The following CSMD3 variants were observed in gnomAD, a reference collection of about 807,000 sequenced individuals.
CSMD3 encodes CUB and Sushi multiple domains 3.
CSMD3 carries 177 observed loss-of-function variants against 435.2 expected under a neutral mutation model. The ratio of observed to expected loss-of-function variants is 0.41; its 90% CI spans 0.36 to 0.46. The LOEUF (loss-of-function observed/expected upper bound fraction) is 0.46. Among genes scored for constraint, CSMD3 ranks in the 20% least tolerant of loss-of-function variants. The pLI is 0.34. For missense variants in CSMD3, 4,265 were observed against 4,504.6 expected, an observed-to-expected ratio of 0.95 and a Z score of 1.52; for synonymous variants, 1,656 against 1,520.5, an observed-to-expected ratio of 1.09 and a Z score of -2.07.
chr8:113,276,901 A>T lies in CSMD3; in HGVS notation c.514+1691T>A, dbSNP rs116384705. The stretch of plus-strand genomic sequence containing the variant: ...AAAATATATGAATCTATTTTACCTT[A>T]AGTGAAAAAGATGGACAGAAATTTA... On this transcript the variant is annotated intron_variant, in intron 3 of 70. Transcript: ENST00000297405. Among the ~76,000 whole-genome samples the T allele has an allele frequency of 9.1e-3, 1,381 of 152,096 alleles. 14 individuals are homozygous for T. The highest frequency in any genetic ancestry group is 0.032 in the African/African-American group (1,330 of 41,530).
intron 22 of CSMD3, among the ~76,000 whole-genome samples, chr8:112,600,689 C>A (rs992839699): frequency 1.3e-5 from 2 of 151,176 alleles, no homozygotes; most frequent in African/African-American, 4.9e-5. Context: ...TTTTTCTTTT[C>A]TTTTCTTTTT....
intron 10 of CSMD3, among the ~76,000 whole-genome samples, chr8:112,864,432 G>A (rs778595222): frequency 6.6e-6 from 1 of 151,874 alleles, no homozygotes; most frequent in East Asian, 1.9e-4. Flanking sequence ...TGTACTTTTA[G>A]TAGAGATGAG....
intron 3 of CSMD3, among the ~76,000 whole-genome samples, chr8:113,198,523 T>C (rs2092684312): frequency 6.6e-6 from 1 of 151,278 alleles, no homozygotes; most frequent in South Asian, 2.1e-4. Context: ...TAACCACCAT[T>C]TTAAAATATC....
At chr8:112,667,762 A>G (rs2075560710) in intron 16 of CSMD3, among the ~76,000 whole-genome samples, 1 of 152,082 alleles carries the variant, frequency 6.6e-6, no homozygotes, top group African/African-American at 2.4e-5. Flanking sequence ...TCAGGAAAGA[A>G]AAAAAGTCTA....
At chr8:112,356,045 A>T (rs201155799) in intron 38 of CSMD3, among the ~76,000 whole-genome samples, 1 of 152,140 alleles carries the variant, frequency 6.6e-6, no homozygotes, top group Non-Finnish European at 1.5e-5. Flanking sequence ...AGATGGTGGC[A>T]AGGCTGCAGA....
chr8:112,573,032 G>T (rs1288894834), intron 24 of CSMD3, among the ~76,000 whole-genome samples: 1 of 152,042 alleles, frequency 6.6e-6, no homozygotes, highest in Non-Finnish European at 1.5e-5. Context: ...TATAAAACAA[G>T]TCAACACAAA....
chr8:113,023,996 C>T (rs2086781699), intron 5 of CSMD3, among the ~76,000 whole-genome samples: 1 of 152,082 alleles, frequency 6.6e-6, no homozygotes, highest in South Asian at 2.1e-4. Flanking sequence ...AGTTACCCTA[C>T]AGTGCAATAG....
At chr8:112,431,081 C>T (rs1306310501) in intron 32 of CSMD3, among the ~76,000 whole-genome samples, 1 of 101,916 alleles carries the variant, frequency 9.8e-6, no homozygotes, top group Non-Finnish European at 2.7e-5. Context: ...TCCCTGCCCT[C>T]ACAGATATTT....
chr8:112,543,344 T>A (rs959782346), intron 27 of CSMD3, among the ~76,000 whole-genome samples: 2 of 152,056 alleles, frequency 1.3e-5, no homozygotes, highest in African/African-American at 2.4e-5. Flanking sequence ...AAGCCATACA[T>A]CTAATAATAG....
intron 32 of CSMD3, among the ~76,000 whole-genome samples, chr8:112,454,571 T>C (rs2130626164): frequency 6.6e-6 from 1 of 152,294 alleles, no homozygotes; most frequent in Admixed American, 6.5e-5. Context: ...ATGGTTATTA[T>C]TAAAAAGTTA....
intron 1 of CSMD3, among the ~76,000 whole-genome samples, chr8:113,395,086 T>G (rs2094477185): frequency 1.2e-5 from 1 of 86,484 alleles, no homozygotes; most frequent in African/African-American, 3.3e-5. Context: ...TAGTGACTAT[T>G]TTTTTTTCCA....
chr8:112,890,241 C>G (rs147312101), intron 10 of CSMD3, among the ~76,000 whole-genome samples: 2 of 151,712 alleles, frequency 1.3e-5, no homozygotes, highest in African/African-American at 4.8e-5. Context: ...TAAATTGCCA[C>G]TATCTAAGAT....
Position 113,012,083 on chromosome 8 carries a change from G to T in CSMD3, c.1030+6984C>A, listed in dbSNP as rs199771742. 9.2e-5 allele frequency among the ~76,000 whole-genome samples: 14 copies of T among 151,928 alleles called. No homozygotes were observed. The East Asian group carries it at 9.7e-4, about 11-fold the overall frequency. Reference sequence around the variant, plus strand: ...ATCAAATACAAAGAAAAAAGTGCAAGATTAGAGATTATTCTCAAATACTAC... The same window carrying T: ...ATCAAATACAAAGAAAAAAGTGCAATATTAGAGATTATTCTCAAATACTAC... On this transcript the variant is annotated intron_variant, in intron 6 of 70. Transcript: ENST00000297405.
chr8:112,376,593 G>T (rs1828962921), intron 38 of CSMD3, among the ~76,000 whole-genome samples: 2 of 152,094 alleles, frequency 1.3e-5, no homozygotes, highest in Admixed American at 6.6e-5. Context: ...AGGTGATGTT[G>T]AGGAGCTAAT....
chr8:113,092,052 T>C (rs1275715455), intron 5 of CSMD3, among the ~76,000 whole-genome samples: 2 of 152,092 alleles, frequency 1.3e-5, no homozygotes, highest in Non-Finnish European at 2.9e-5. Flanking sequence ...CAATCACCCA[T>C]TCCCCTGACT....
chr8:112,596,395 A>G (rs1831721450), intron 22 of CSMD3, among the ~76,000 whole-genome samples: 1 of 151,968 alleles, frequency 6.6e-6, no homozygotes, highest in Non-Finnish European at 1.5e-5. Flanking sequence ...AAAGAGACTT[A>G]GACTCCCACA....
At chr8:112,927,782 T>G (rs1295583541) in intron 9 of CSMD3, among the ~76,000 whole-genome samples, 1 of 152,122 alleles carries the variant, frequency 6.6e-6, no homozygotes, top group East Asian at 1.9e-4. Context: ...GCAGAAATAA[T>G]GTCATCCAAA....
At chr8:112,696,779 T>A (rs1277202397) in intron 13 of CSMD3, among the ~76,000 whole-genome samples, 1 of 151,232 alleles carries the variant, frequency 6.6e-6, no homozygotes, top group East Asian at 1.9e-4. Flanking sequence ...ACCATCAGAG[T>A]GAACAGGCAA....
chr8:112,248,732 C>T (rs898424166), intron 63 of CSMD3, among the ~76,000 whole-genome samples: 1 of 152,106 alleles, frequency 6.6e-6, no homozygotes, highest in African/African-American at 2.4e-5. Flanking sequence ...CACCATTTTT[C>T]ATATTGTTAT....
Sources: allele counts gnomAD v4.1 joint callset (sites outside exome capture counted in the v4.1 genomes callset), GRCh38; gene constraint gnomAD v4.1.1; transcripts MANE v1.5; gene names NCBI Gene and HGNC (gene_info 2026-07-23, HGNC 2026-07-21).